AOPEP: variants seen among roughly 807,000 people sequenced by gnomAD.
The protein encoded by AOPEP is aminopeptidase O.
AOPEP carries 77 observed loss-of-function variants against 98.1 expected under a neutral mutation model. The observed-to-expected ratio is 0.78, with a 90% CI of 0.65 to 0.95. The LOEUF is 0.95. Among genes scored for constraint, AOPEP ranks in the 40% least tolerant of loss-of-function variants. The pLI is 0.00. For missense variants in AOPEP, 1,024 were observed against 1,024.7 expected, an observed-to-expected ratio of 1.00 and a Z score of 0.01; for synonymous variants, 346 against 365.3, an observed-to-expected ratio of 0.95 and a Z score of 0.60.
chr9:94,889,993 A>G (rs1204132260), intron 5 of AOPEP, among the ~76,000 whole-genome samples: 3 of 148,992 alleles, frequency 2.0e-5, no homozygotes, highest in African/African-American at 7.4e-5. Context: ...ATCTGTGCAT[A>G]TCTTTTGCCC....
intron 11 of AOPEP, among the ~76,000 whole-genome samples, chr9:94,983,857 C>G (rs995947127): frequency 2.7e-5 from 4 of 146,584 alleles, no homozygotes; most frequent in African/African-American, 7.5e-5. Context: ...TCCCCTCCCC[C>G]CTCCCCCGGA....
chr9:94,804,243 A>G (rs1848769797), intron 5 of AOPEP, among the ~76,000 whole-genome samples: 1 of 152,170 alleles, frequency 6.6e-6, no homozygotes, highest in African/African-American at 2.4e-5. Context: ...TAACACCTTA[A>G]TCTTACCTTT....
intron 3 of AOPEP, among the ~76,000 whole-genome samples, chr9:94,783,466 G>A (rs887743766): frequency 3.3e-5 from 5 of 152,208 alleles, no homozygotes; most frequent in African/African-American, 7.2e-5. Flanking sequence ...GAGCAACTGC[G>A]GAGAAGAACT....
At chr9:95,002,736 G>T (rs978401309) in intron 11 of AOPEP, among the ~76,000 whole-genome samples, 9 of 152,192 alleles carry the variant, frequency 5.9e-5, no homozygotes, top group Non-Finnish European at 1.2e-4. Context: ...CTTAAACCCA[G>T]AACTAGAGGA....
chr9:94,837,570 C>T (rs548110729), intron 5 of AOPEP, among the ~76,000 whole-genome samples: 28 of 152,124 alleles, frequency 1.8e-4, no homozygotes, highest in African/African-American at 4.6e-4. Flanking sequence ...CATGGTCAAG[C>T]GGGTTTCATA....
chr9:95,049,843 C>T (rs766692507), intron 13 of AOPEP, among the ~76,000 whole-genome samples: 20 of 152,206 alleles, frequency 1.3e-4, no homozygotes, highest in Non-Finnish European at 2.9e-4. Flanking sequence ...TTAACCACCA[C>T]TTGTGAGTAT....
intron 5 of AOPEP, among the ~76,000 whole-genome samples, chr9:94,828,756 CAA>C (rs145764829): frequency 6.6e-6 from 1 of 151,580 alleles, no homozygotes; most frequent in African/African-American, 2.4e-5. Flanking sequence ...TACACACACA[CAA>C]TATATATATA....
chr9:95,005,309 G>A, intron 12 of AOPEP, 89 bp downstream of exon 12: 3 of 778,434 alleles, frequency 3.9e-6, no homozygotes, highest in Non-Finnish European at 5.0e-6. Context: ...GCTGCGGCGC[G>A]CGGGTGCGGG....
intron 13 of AOPEP, among the ~76,000 whole-genome samples, chr9:95,010,202 TAAAG>T (rs897779116): frequency 2.0e-5 from 3 of 152,208 alleles, no homozygotes; most frequent in Admixed American, 6.5e-5. Context: ...TTCAAAATGA[TAAAG>T]GTAGGTACAA....
rs1419574353 is a variant in AOPEP, at chr9:94,760,212, G to A, written c.429G>A (p.Leu143=). 1 of 1,614,026 alleles carries A rather than the reference G, an allele frequency of 6.2e-7. No homozygotes were observed. The highest frequency in any genetic ancestry group is 1.7e-5 in the Admixed American group (1 of 59,996). The part of the protein sequence containing the change: ...DTGNHGSEDF[L]LVLDCCDLSV... Reference sequence around the variant, plus strand: ...GGAATCATGGGAGTGAGGATTTTTTGCTAGTGTTGGACTGCTGTGATTTAT... The same window carrying A: ...GGAATCATGGGAGTGAGGATTTTTTACTAGTGTTGGACTGCTGTGATTTAT... Residue 143 remains leucine (L), a synonymous_variant, in exon 2 of 17, where the codon TTG becomes TTA. Transcript: ENST00000375315.
chr9:94,959,744 T>C (rs1385800626), intron 9 of AOPEP, among the ~76,000 whole-genome samples: 1 of 152,204 alleles, frequency 6.6e-6, no homozygotes, highest in Non-Finnish European at 1.5e-5. Context: ...AATCATACTA[T>C]TTATCCCTCA....
chr9:94,737,874 A>T (rs1832130494), intron 1 of AOPEP, among the ~76,000 whole-genome samples: 1 of 152,112 alleles, frequency 6.6e-6, no homozygotes, highest in South Asian at 2.1e-4. Context: ...TCAGCTTAGG[A>T]TGGAATGTAC....
At chr9:95,083,535 G>T (rs950925711) in intron 16 of AOPEP, among the ~76,000 whole-genome samples, 5 of 140,984 alleles carry the variant, frequency 3.5e-5, no homozygotes, top group Non-Finnish European at 7.6e-5. Context: ...CACACACCAC[G>T]CAGAGTACAC....
intron 7 of AOPEP, among the ~76,000 whole-genome samples, chr9:94,945,981 T>C (rs1340637672): frequency 1.3e-5 from 2 of 152,176 alleles, no homozygotes; most frequent in Non-Finnish European, 2.9e-5. Flanking sequence ...TTAACCCTGA[T>C]AGATGAACCC....
intron 7 of AOPEP, among the ~76,000 whole-genome samples, chr9:94,935,558 A>G (rs2056126713): frequency 6.6e-6 from 1 of 151,976 alleles, no homozygotes; most frequent in Non-Finnish European, 1.5e-5. Flanking sequence ...GGGTGCATGT[A>G]CCCCTGCACT....
At chr9:95,001,738 A>G (rs544090972) in intron 11 of AOPEP, among the ~76,000 whole-genome samples, 3 of 152,256 alleles carry the variant, frequency 2.0e-5, no homozygotes, top group African/African-American at 7.2e-5. Context: ...CAGAATTAGG[A>G]ACCTTTCTCA....
chr9:95,103,700 C>T, the AOPEP span, among the ~76,000 whole-genome samples: 5 of 152,178 alleles, frequency 3.3e-5, no homozygotes, highest in East Asian at 1.9e-4. Flanking sequence ...ATCGGAGGGC[C>T]GAGGTCAGAG....
At chr9:94,875,109 C>CCTTATCTTTCCA (rs1272633065) in intron 5 of AOPEP, among the ~76,000 whole-genome samples, 4 of 151,942 alleles carry the variant, frequency 2.6e-5, no homozygotes, top group African/African-American at 9.7e-5. Context: ...CAAGATTTAG[C>CCTTATCTTTCCA]CTTATCTTTC....
chr9:95,054,541 A>G (rs1451631678), intron 13 of AOPEP, among the ~76,000 whole-genome samples: 1 of 152,238 alleles, frequency 6.6e-6, no homozygotes, highest in Non-Finnish European at 1.5e-5. Context: ...GACACTTACA[A>G]TCTGGAAACA....
Sources: allele counts gnomAD v4.1 joint callset (sites outside exome capture counted in the v4.1 genomes callset), GRCh38; gene constraint gnomAD v4.1.1; transcripts MANE v1.5; gene names NCBI Gene and HGNC (gene_info 2026-07-23, HGNC 2026-07-21).